The following SLC9A9 variants were observed in gnomAD, a reference collection of about 807,000 sequenced individuals.
The protein encoded by SLC9A9 is solute carrier family 9 member A9.
Under a neutral mutation model 77.8 loss-of-function variants are expected in SLC9A9, and 62 were observed. That is an observed-to-expected ratio of 0.80 (90% CI 0.65 to 0.98). The LOEUF (loss-of-function observed/expected upper bound fraction) is 0.98, where lower values mean the gene tolerates loss of function less well. Among genes scored for constraint, SLC9A9 ranks in the 50% least tolerant of loss-of-function variants. The pLI is 0.00. For missense variants in SLC9A9, 775 were observed against 774.9 expected (o/e 1.00, Z 0.00); for synonymous variants, 320 against 283.5 (o/e 1.13, Z -1.29).
chr3:143,426,658 T>C (rs1291369348), intron 12 of SLC9A9, among the ~76,000 whole-genome samples: 1 of 152,202 alleles, frequency 6.6e-6, no homozygotes, highest in African/African-American at 2.4e-5. Context: ...CAGGGTCAAG[T>C]AGGCATTGTT....
intron 12 of SLC9A9, among the ~76,000 whole-genome samples, chr3:143,444,833 G>A (rs2034813164): frequency 6.6e-6 from 1 of 152,190 alleles, no homozygotes; most frequent in African/African-American, 2.4e-5. Context: ...CATTCAATTG[G>A]CATGAATGTG....
intron 12 of SLC9A9, among the ~76,000 whole-genome samples, chr3:143,456,444 T>G (rs1576510355): frequency 1.3e-5 from 2 of 152,324 alleles, no homozygotes; most frequent in Admixed American, 1.3e-4. Context: ...TGCTTCTGTT[T>G]CTTGGAAAAG....
intron 11 of SLC9A9, among the ~76,000 whole-genome samples, chr3:143,493,198 A>G (rs947572917): frequency 6.6e-6 from 1 of 152,206 alleles, no homozygotes; most frequent in Non-Finnish European, 1.5e-5. Context: ...TTGCTTTTGT[A>G]TTAACTGTGA....
At chr3:143,599,278 A>G (rs1204809568) in intron 6 of SLC9A9, among the ~76,000 whole-genome samples, 1 of 152,264 alleles carries the variant, frequency 6.6e-6, no homozygotes, top group Non-Finnish European at 1.5e-5. Flanking sequence ...CCAATCAGTT[A>G]CAGCTATTTT....
At chr3:143,640,905 A>G (rs2038610166) in intron 6 of SLC9A9, among the ~76,000 whole-genome samples, 1 of 152,170 alleles carries the variant, frequency 6.6e-6, no homozygotes, top group Admixed American at 6.5e-5. Context: ...AAATCATCTC[A>G]AAGTCATCTG....
chr3:143,289,403 G>A (rs1327913079), intron 14 of SLC9A9, among the ~76,000 whole-genome samples: 1 of 152,150 alleles, frequency 6.6e-6, no homozygotes, highest in African/African-American at 2.4e-5. Flanking sequence ...CAGCCCTGAA[G>A]CTCTGGCGAA....
At chr3:143,821,537 A>G (rs1182546300) in intron 2 of SLC9A9, among the ~76,000 whole-genome samples, 1 of 152,222 alleles carries the variant, frequency 6.6e-6, no homozygotes, top group Admixed American at 6.5e-5. Context: ...GTAGGAAAGG[A>G]CTTTTTGGGG....
chr3:143,471,846 A>G (rs2035382994), intron 11 of SLC9A9, among the ~76,000 whole-genome samples: 1 of 152,212 alleles, frequency 6.6e-6, no homozygotes, highest in African/African-American at 2.4e-5. Context: ...TTCATTTAAA[A>G]TTGCCCTCTA....
intron 7 of SLC9A9, among the ~76,000 whole-genome samples, chr3:143,574,838 ATAG>A (rs2037328742): frequency 2.0e-5 from 3 of 152,188 alleles, no homozygotes; most frequent in Non-Finnish European, 4.4e-5. Context: ...GAACAAAGGG[ATAG>A]TAGTGATTCA....
At position 143,500,870 on chromosome 3, in the gene SLC9A9, A is replaced by C. The variant is rs956349098; in HGVS notation, c.1090-5422T>G. Among the ~76,000 whole-genome samples the C allele has an allele frequency of 2.0e-5, 3 of 150,446 alleles. No individual in the cohort carries two copies. In the East Asian group the frequency reaches 5.8e-4, roughly 29 times the overall value. ...AATTTGCATTTTATTGTACCACAAT[A>C]AAAATGTATACAATTTAGAACAAAA... On this transcript the variant is annotated intron_variant, in intron 9 of 15. Coordinates refer to ENST00000316549, the MANE Select transcript of SLC9A9 (RefSeq NM_173653.4).
chr3:143,296,380 C>T (rs1244524248), intron 14 of SLC9A9, among the ~76,000 whole-genome samples: 2 of 152,014 alleles, frequency 1.3e-5, no homozygotes, highest in Non-Finnish European at 2.9e-5. Context: ...TCTTGTTGCC[C>T]CATATGGGAA....
At position 143,803,631 on chromosome 3, in the gene SLC9A9, T is replaced by C. The variant is rs191724690; in HGVS notation, c.379-6728A>G. ...CCTGATGAAGTTCTATTCTTTACTT[T>C]TATACTCACTGTTATTCTCATTCCC... On this transcript the variant is annotated intron_variant, in intron 2 of 15. Coordinates refer to ENST00000316549, the MANE Select transcript of SLC9A9 (RefSeq NM_173653.4). Among the ~76,000 whole-genome samples, 227 of 152,232 alleles carry C rather than the reference T, an allele frequency of 1.5e-3. 1 individual carries two copies. The highest frequency in any genetic ancestry group is 2.4e-3 in the Non-Finnish European group (160 of 68,006).
chr3:143,540,453 G>T (rs2036668675), intron 9 of SLC9A9, among the ~76,000 whole-genome samples: 1 of 152,184 alleles, frequency 6.6e-6, no homozygotes, highest in African/African-American at 2.4e-5. Context: ...GGAGAGTGGT[G>T]ATCTGCAGGA....
intron 14 of SLC9A9, among the ~76,000 whole-genome samples, chr3:143,280,838 C>A (rs953779926): frequency 1.3e-5 from 2 of 152,196 alleles, no homozygotes; most frequent in Non-Finnish European, 2.9e-5. Context: ...CAGGCATGAG[C>A]TACCGCGCCT....
chr3:143,611,691 T>C lies in SLC9A9; in HGVS notation c.756-32968A>G, dbSNP rs1284366202. ...GGATCTTGGATGGAAGGTCAAGAAATCAAGTATAATAATGTTATACAAAGT... is the reference window on the plus strand; with the variant it reads ...GGATCTTGGATGGAAGGTCAAGAAACCAAGTATAATAATGTTATACAAAGT... On this transcript the variant is annotated intron_variant, in intron 6 of 15. Coordinates refer to ENST00000316549, the MANE Select transcript of SLC9A9 (RefSeq NM_173653.4). Among the ~76,000 whole-genome samples, 3 of 151,992 alleles carry C rather than the reference T, an allele frequency of 2.0e-5. No homozygotes were observed. In the East Asian group the frequency reaches 5.8e-4, roughly 29 times the overall value.
At chr3:143,388,031 A>G (rs1158510871) in intron 12 of SLC9A9, among the ~76,000 whole-genome samples, 1 of 152,112 alleles carries the variant, frequency 6.6e-6, no homozygotes. Context: ...AAGATACATT[A>G]TTTCCTCTAA....
chr3:143,736,422 G>A (rs1304329230), intron 4 of SLC9A9, among the ~76,000 whole-genome samples: 1 of 152,154 alleles, frequency 6.6e-6, no homozygotes, highest in African/African-American at 2.4e-5. Context: ...CTACATAGCA[G>A]TCACTATTTT....
intron 12 of SLC9A9, among the ~76,000 whole-genome samples, chr3:143,392,264 T>C (rs1213801918): frequency 6.6e-6 from 1 of 152,152 alleles, no homozygotes; most frequent in East Asian, 1.9e-4. Context: ...CAGCAGAAAC[T>C]CTACAAGCCA....
At chr3:143,791,381 T>G (rs952059138) in intron 4 of SLC9A9, among the ~76,000 whole-genome samples, 1 of 152,242 alleles carries the variant, frequency 6.6e-6, no homozygotes, top group Non-Finnish European at 1.5e-5. Flanking sequence ...TCCATTCCTG[T>G]AAAGCATCTG....
Sources: gnomAD v4.1 joint callset for allele counts (sites outside exome capture counted in the v4.1 genomes callset) on GRCh38, gnomAD v4.1.1 for gene constraint, MANE v1.5 for transcripts, NCBI Gene and HGNC (gene_info 2026-07-23, HGNC 2026-07-21) for gene names.